Variants in KCNS2 observed in about 807,000 individuals in gnomAD.
KCNS2 encodes the protein delayed-rectifier potassium channel regulatory subunit KCNS2.
KCNS2 carries 15 observed loss-of-function variants against 28.3 expected under a neutral mutation model. The observed-to-expected ratio is 0.53, with a 90% CI of 0.35 to 0.82. The LOEUF (loss-of-function observed/expected upper bound fraction) is 0.82. Ranked by LOEUF, KCNS2 falls within the 40% of genes least tolerant of loss-of-function variation. The pLI is 0.01. For synonymous variants in KCNS2, 254 were observed against 256.7 expected (o/e 0.99, Z 0.10); for missense variants, 501 against 617.1 (o/e 0.81, Z 1.99).
At chr8:98,427,821 C>T in intron 1 of KCNS2, 117 bp from the exon 2 acceptor site, 1 of 613,156 alleles carries the variant, frequency 1.6e-6, no homozygotes, top group Non-Finnish European at 2.9e-6. Context: ...TGCCCCAGCC[C>T]AGCCCTTCAG....
Position 98,432,109 on chromosome 8 carries a change from T to C in KCNS2, c.*2696T>C, listed in dbSNP as rs1328746420. 6.0e-6 allele frequency: 1 copy of C among 166,754 alleles called. No individual in the cohort carries two copies. The highest frequency in any genetic ancestry group is 2.4e-5 in the African/African-American group (1 of 41,398). The allele number at this position is 166,754 out of a possible 1,614,324, so 10.3% of individuals were successfully genotyped here. ...TTTACAGGTGCTCTCCACTGGGTCT[T>C]TGATCGACCTTGCTAGATAACATCT... On this transcript the variant is annotated 3_prime_UTR_variant, in exon 2 of 2. Coordinates refer to ENST00000287042, the MANE Select transcript of KCNS2 (RefSeq NM_020697.4).
Position 98,429,564 on chromosome 8 carries a change from G to A in KCNS2, c.*151G>A. ...GATATGCACCCAGGTTTCTTTTACA[G>A]TTTTTAGAATCGTTTTTAGAGGGTG... is the stretch of plus-strand genomic sequence containing the variant. On this transcript the variant is annotated 3_prime_UTR_variant, in exon 2 of 2. Transcript: ENST00000287042. 1.6e-6 allele frequency: 1 copy of A among 606,380 alleles called. No individual in the cohort carries two copies. 37.6% of individuals were successfully genotyped at this position (606,380 alleles called of 1,614,324 possible).
In KCNS2 at chr8:98,429,336, A is replaced by G; in HGVS notation, c.1357A>G (p.Lys453Glu). 2 of 1,614,168 alleles carry G rather than the reference A, an allele frequency of 1.2e-6. No homozygotes were observed. The highest frequency in any genetic ancestry group is 1.1e-5 in the South Asian group (1 of 91,088). The change falls in exon 2 of 2, where the codon AAA (lysine) becomes GAA (glutamate). Residue 453 changes from lysine (K) to glutamate (E), a missense_variant. By Grantham distance (56) the Lys-to-Glu change is moderately conservative (BLOSUM62 1). Coordinates refer to ENST00000287042, the MANE Select transcript of KCNS2 (RefSeq NM_020697.4). ...NLRDYYAHKV[K>E]SLMASLTNMS... is the part of the protein sequence containing the mutation. ...AAGGGACTATTATGCCCATAAAGTT[A>G]AATCCCTTATGGCAAGCCTGACGAA...
In KCNS2 at chr8:98,428,168, C is replaced by A; in HGVS notation, c.189C>A (p.Asp63Glu). The change falls in exon 2 of 2, where the codon GAC becomes GAA. Residue 63 changes from aspartate (D) to glutamate (E), a missense_variant. Physicochemically the swap from Asp to Glu is conservative, Grantham distance 45. Transcript: ENST00000287042. This position sits in a 1 kb window ranked among gnomAD's most constrained non-coding sequence, Gnocchi z 6.7. ...TTCTGGAGCTCTGCGATGACTACGA[C>A]GACGTCCAGCGGGAGTTCTACTTCG... The part of the protein sequence containing the change: ...EAILELCDDY[D>E]DVQREFYFDR... 6.2e-7 allele frequency: 1 copy of A among 1,614,122 alleles called. No homozygotes were observed. The highest frequency in any genetic ancestry group is 8.5e-7 in the Non-Finnish European group (1 of 1,180,018).
rs2131067796 is a variant in KCNS2 at position 98,428,246 on chromosome 8, G to A, written c.267G>A (p.Lys89=). ...TGCTGCATTTCTATCACACCGGCAA[G>A]CTTCACGTCATGGCTGAGCTATGTG... The part of the protein sequence containing the change: ...PYVLHFYHTG[K]LHVMAELCVF... The change falls in exon 2 of 2, where the codon AAG becomes AAA. Residue 89 remains lysine (K), a synonymous_variant. Transcript: ENST00000287042. This position sits in a 1 kb window ranked among gnomAD's most constrained non-coding sequence, Gnocchi z 6.7. 1 of 1,614,154 alleles carries A rather than the reference G, an allele frequency of 6.2e-7. No individual in the cohort carries two copies. Among genetic ancestry groups the A allele is most frequent in the South Asian group, 1.1e-5 (1 of 91,082 alleles).
At position 98,428,036 on chromosome 8, in the gene KCNS2, C is replaced by T. The variant is rs753420880; in HGVS notation, c.57C>T (p.Ile19=). The change falls in exon 2 of 2, where the codon ATC becomes ATT. Residue 19 remains isoleucine, a synonymous_variant. Coordinates refer to ENST00000287042, the MANE Select transcript of KCNS2 (RefSeq NM_020697.4). This position sits in a 1 kb window ranked among gnomAD's most constrained non-coding sequence, Gnocchi z 6.7. The part of the protein sequence containing the change: ...VSEANVEDGE[I]RINVGGFKRR... Reference sequence around the variant, plus strand: ...AGGCTAACGTCGAGGACGGGGAGATCCGCATCAATGTGGGCGGCTTCAAGA... The same window carrying T: ...AGGCTAACGTCGAGGACGGGGAGATTCGCATCAATGTGGGCGGCTTCAAGA... 1.2e-5 allele frequency: 19 copies of T among 1,608,506 alleles called. No individual in the cohort carries two copies. The highest frequency in any genetic ancestry group is 1.6e-5 in the Non-Finnish European group (19 of 1,177,014).
intron 1 of KCNS2, 21 bp from the exon 2 acceptor site, chr8:98,427,917 C>A (rs1818261114): frequency 2.9e-6 from 4 of 1,375,596 alleles, no homozygotes; most frequent in South Asian, 1.5e-5. Flanking sequence ...CTCTCGCCGA[C>A]GCTGTTCCCT....
At position 98,428,079 on chromosome 8, in the gene KCNS2, A is replaced by T; in HGVS notation, c.100A>T (p.Thr34Ser). 6.2e-7 allele frequency: 1 copy of T among 1,613,592 alleles called. No homozygotes were observed. The highest frequency in any genetic ancestry group is 8.5e-7 in the Non-Finnish European group (1 of 1,179,854). The change falls in exon 2 of 2, where the codon ACG becomes TCG. Residue 34 changes from threonine to serine, a missense_variant. Coordinates refer to ENST00000287042, the MANE Select transcript of KCNS2 (RefSeq NM_020697.4). The surrounding 1 kb of genome is among the most constrained non-coding windows in gnomAD (Gnocchi z 6.7). Reference protein sequence around the residue: ...GGFKRRLRSHTLLRFPETRLG... With the variant: ...GGFKRRLRSHSLLRFPETRLG... Reference sequence around the variant, plus strand: ...CTTCAAGAGGAGGCTGCGCTCGCACACGCTGCTGCGCTTCCCCGAGACGCG... The same window carrying T: ...CTTCAAGAGGAGGCTGCGCTCGCACTCGCTGCTGCGCTTCCCCGAGACGCG...
rs1281599620 is a variant in KCNS2, at chr8:98,428,399, C to T, written c.420C>T (p.Asp140=). ...AGGAGAAGTGGGACGAGCAGAGTGA[C>T]CAGGAGAGCACCACGTCTTCCTTCG... is the stretch of plus-strand genomic sequence containing the variant. ...PEQEKWDEQS[D]QESTTSSFDE... is the part of the protein sequence containing the mutation. The change falls in exon 2 of 2, where the codon GAC becomes GAT. Residue 140 remains aspartate, a synonymous_variant. Coordinates refer to ENST00000287042, the MANE Select transcript of KCNS2 (RefSeq NM_020697.4). The surrounding 1 kb of genome is among the most constrained non-coding windows in gnomAD (Gnocchi z 6.7). 1.9e-6 allele frequency: 3 copies of T among 1,614,016 alleles called. No individual in the cohort carries two copies. Among genetic ancestry groups the T allele is most frequent in the African/African-American group, 2.7e-5 (2 of 74,920 alleles).
At position 98,428,220 on chromosome 8, in the gene KCNS2, G is replaced by T. The variant is rs753185856; in HGVS notation, c.241G>T (p.Val81Leu). Reference sequence around the variant, plus strand: ...CCGCAACCCTGAGCTCTTCCCCTACGTGCTGCATTTCTATCACACCGGCAA... The same window carrying T: ...CCGCAACCCTGAGCTCTTCCCCTACTTGCTGCATTTCTATCACACCGGCAA... ...FDRNPELFPY[V>L]LHFYHTGKLH... Residue 81 changes from valine to leucine, a missense_variant, in exon 2 of 2, where the codon GTG becomes TTG. By Grantham distance (32) the Val-to-Leu change is conservative (BLOSUM62 1). Coordinates refer to ENST00000287042, the MANE Select transcript of KCNS2 (RefSeq NM_020697.4). The surrounding 1 kb of genome is among the most constrained non-coding windows in gnomAD (Gnocchi z 6.7). 1 of 1,614,066 alleles carries T rather than the reference G, an allele frequency of 6.2e-7. No individual in the cohort carries two copies. The highest frequency in any genetic ancestry group is 8.5e-7 in the Non-Finnish European group (1 of 1,180,016).
Position 98,429,485 on chromosome 8 carries a change from C to T in KCNS2, c.*72C>T. On this transcript the variant is annotated 3_prime_UTR_variant, in exon 2 of 2. Coordinates refer to ENST00000287042, the MANE Select transcript of KCNS2 (RefSeq NM_020697.4). ...TGTGCCTCTGGCACAGCCCAGGCAC[C>T]TTATGGTTATGGTGTAAGGAGTATG... 4.5e-6 allele frequency: 5 copies of T among 1,117,418 alleles called. No individual in the cohort carries two copies. The highest frequency in any genetic ancestry group is 6.6e-6 in the Non-Finnish European group (5 of 757,298). 69.2% of individuals were successfully genotyped at this position (1,117,418 alleles called of 1,614,324 possible). A position where few individuals can be genotyped will look rare whatever the true frequency, so the allele number is the denominator to read the frequency against.
In KCNS2 at chr8:98,427,971, G is replaced by C. The variant is rs891960920; in HGVS notation, c.-9G>C. On this transcript the variant is annotated 5_prime_UTR_variant, in exon 2 of 2. Coordinates refer to ENST00000287042, the MANE Select transcript of KCNS2 (RefSeq NM_020697.4). Reference sequence around the variant, plus strand: ...CCCCCGCGCGGCGCGGGCGGCCGGCGCCTCCAGCATGACCGGCCAGAGCCT... The same window carrying C: ...CCCCCGCGCGGCGCGGGCGGCCGGCCCCTCCAGCATGACCGGCCAGAGCCT... 2 of 1,498,622 alleles carry C rather than the reference G, an allele frequency of 1.3e-6. No homozygotes were observed. The highest frequency in any genetic ancestry group is 2.8e-5 in the African/African-American group (2 of 70,956). The allele number at this position is 1,498,622 out of a possible 1,614,324, so 92.8% of individuals were successfully genotyped here. A position where few individuals can be genotyped will look rare whatever the true frequency, so the allele number is the denominator to read the frequency against.
In KCNS2 at chr8:98,430,045, G is replaced by C. The variant is rs1346278585; in HGVS notation, c.*632G>C. ...TGCATGGGTGCACCAATCATCTTTA[G>C]AACGATGTACACTGATGTTCATCTC... On this transcript the variant is annotated 3_prime_UTR_variant, in exon 2 of 2. Transcript: ENST00000287042. The C allele has an allele frequency of 6.0e-6, 1 of 167,124 alleles. No individual in the cohort carries two copies. Among genetic ancestry groups the C allele is most frequent in the Non-Finnish European group, 1.5e-5 (1 of 68,188 alleles). The allele number at this position is 167,124 out of a possible 1,614,324, so 10.4% of individuals were successfully genotyped here. A position where few individuals can be genotyped will look rare whatever the true frequency, so the allele number is the denominator to read the frequency against.
chr8:98,428,024 G>A lies in KCNS2; in HGVS notation c.45G>A (p.Glu15=), dbSNP rs770114047. ...SLWDVSEANV[E]DGEIRINVGG... is the part of the protein sequence containing the mutation. ...GGGACGTGTCGGAGGCTAACGTCGA[G>A]GACGGGGAGATCCGCATCAATGTGG... is the stretch of plus-strand genomic sequence containing the variant. Residue 15 remains glutamate, a synonymous_variant, in exon 2 of 2, where the codon GAG becomes GAA. Transcript: ENST00000287042. This position sits in a 1 kb window ranked among gnomAD's most constrained non-coding sequence, Gnocchi z 6.7. 7 of 1,602,650 alleles carry A rather than the reference G, an allele frequency of 4.4e-6. No individual in the cohort carries two copies. The highest frequency in any genetic ancestry group is 2.3e-5 in the East Asian group (1 of 44,196).
rs909380784 is a variant in KCNS2, at chr8:98,429,130, C to T, written c.1151C>T (p.Thr384Ile). The change falls in exon 2 of 2, where the codon ACC (threonine) becomes ATC (isoleucine). Residue 384 changes from threonine to isoleucine, a missense_variant. By Grantham distance (89) the Thr-to-Ile change is moderately conservative (BLOSUM62 -1). Coordinates refer to ENST00000287042, the MANE Select transcript of KCNS2 (RefSeq NM_020697.4). The stretch of plus-strand genomic sequence containing the variant: ...GGGTACGGGGATGTGGTCCCAGGGA[C>T]CACGGCAGGAAAGCTGACTGCCTCT... ...TVGYGDVVPG[T>I]TAGKLTASAC... 7.4e-6 allele frequency: 12 copies of T among 1,613,240 alleles called. No individual in the cohort carries two copies. The highest frequency in any genetic ancestry group is 9.3e-6 in the Non-Finnish European group (11 of 1,179,426).
In KCNS2 at chr8:98,429,319, A is replaced by G. The variant is rs2131070192; in HGVS notation, c.1340A>G (p.Tyr447Cys). The G allele has an allele frequency of 1.2e-6, 2 of 1,614,152 alleles. No homozygotes were observed. The highest frequency in any genetic ancestry group is 1.7e-6 in the Non-Finnish European group (2 of 1,179,998). Residue 447 changes from tyrosine (Y) to cysteine (C), a missense_variant, in exon 2 of 2, where the codon TAT (tyrosine) becomes TGT (cysteine). Transcript: ENST00000287042. ...GTCCCTTCGGTCAATTTAAGGGACT[A>G]TTATGCCCATAAAGTTAAATCCCTT... ...KEVPSVNLRD[Y>C]YAHKVKSLMA... is the part of the protein sequence containing the mutation.
Position 98,427,952 on chromosome 8 carries a change from C to G in KCNS2, c.-28C>G, listed in dbSNP as rs1202139208. On this transcript the variant is annotated 5_prime_UTR_variant, in exon 2 of 2. Coordinates refer to ENST00000287042, the MANE Select transcript of KCNS2 (RefSeq NM_020697.4). The stretch of plus-strand genomic sequence containing the variant: ...TCCGCTTCCAGGTGTAGCGCCCCCG[C>G]GCGGCGCGGGCGGCCGGCGCCTCCA... The G allele has an allele frequency of 6.8e-7, 1 of 1,471,912 alleles. No homozygotes were observed. Among genetic ancestry groups the G allele is most frequent in the African/African-American group, 1.4e-5 (1 of 70,378 alleles). 91.2% of individuals were successfully genotyped at this position (1,471,912 alleles called of 1,614,324 possible).
In KCNS2 at chr8:98,428,931, C is replaced by T. The variant is rs1818288123; in HGVS notation, c.952C>T (p.Leu318=). ...LARHSTGLRS[L]GATLKYSYKE... ...CAGGCACTCCACTGGCCTCCGCTCC[C>T]TGGGGGCCACTTTGAAATACAGCTA... The change falls in exon 2 of 2, where the codon CTG becomes TTG. Residue 318 remains leucine, a synonymous_variant. Transcript: ENST00000287042. The surrounding 1 kb of genome is among the most constrained non-coding windows in gnomAD (Gnocchi z 6.7). 2 of 1,614,026 alleles carry T rather than the reference C, an allele frequency of 1.2e-6. No homozygotes were observed. The highest frequency in any genetic ancestry group is 1.7e-6 in the Non-Finnish European group (2 of 1,180,022).
Position 98,428,479 on chromosome 8 carries a change from G to A in KCNS2, c.500G>A (p.Gly167Asp). The A allele has an allele frequency of 6.2e-7, 1 of 1,614,078 alleles. No individual in the cohort carries two copies. The highest frequency in any genetic ancestry group is 8.5e-7 in the Non-Finnish European group (1 of 1,180,030). ...DASKFDGQPL[G>D]NFRRQLWLAL... ...TCCAAGTTCGATGGGCAGCCCCTCG[G>A]CAACTTCCGCAGGCAGCTGTGGCTG... The change falls in exon 2 of 2, where the codon GGC (glycine) becomes GAC (aspartate). Residue 167 changes from glycine to aspartate, a missense_variant. Gly to Asp is a moderately conservative substitution (Grantham distance 94, BLOSUM62 -1). Transcript: ENST00000287042. The surrounding 1 kb of genome is among the most constrained non-coding windows in gnomAD (Gnocchi z 6.7).
Sources: allele counts gnomAD v4.1 joint callset, GRCh38; gene constraint gnomAD v4.1.1; non-coding constraint Gnocchi (gnomAD v3.1); transcripts MANE v1.5; gene names NCBI Gene and HGNC (gene_info 2026-07-23, HGNC 2026-07-21).